The following GRIN1 variants were observed in gnomAD, a reference collection of about 807,000 sequenced individuals.
GRIN1 encodes the protein glutamate receptor ionotropic, NMDA 1.
In GRIN1, 38 loss-of-function variants were observed where a neutral mutation model predicts 103.0. The ratio of observed to expected loss-of-function variants is 0.37; its 90% CI spans 0.28 to 0.48. The LOEUF is 0.48. GRIN1 is among the 20% of genes least tolerant of loss of function. GRIN1 has a pLI of 0.98. For synonymous variants in GRIN1, 544 were observed against 532.7 expected, an observed-to-expected ratio of 1.02 and a Z score of -0.29; for missense variants, 577 against 1,288.9, an observed-to-expected ratio of 0.45 and a Z score of 8.46.
intron 14 of GRIN1, 33 bp from the exon 15 acceptor site, chr9:137,162,801 GGCCTGGGGAGCC>G (rs1833630826): frequency 6.2e-7 from 1 of 1,606,888 alleles, no homozygotes; most frequent in South Asian, 1.1e-5. Context: ...CTCGGTTAGG[GGCCTGGGGAGCC>G]GCCGCCGCGA....
In GRIN1 at chr9:137,139,641, G is replaced by C. The variant is rs1045827866; in HGVS notation, c.155G>C (p.Arg52Pro). Residue 52 changes from arginine (R) to proline (P), a missense_variant, in exon 1 of 20, where the codon CGG becomes CCG. Around this residue, in one of 9 missense-constraint regions of GRIN1, gnomAD observed 308 missense variants for 553.6 expected, o/e 0.56. Coordinates refer to ENST00000371561, the MANE Select transcript of GRIN1 (RefSeq NM_007327.4). The surrounding 1 kb of genome is among the most constrained non-coding windows in gnomAD (Gnocchi z 7.7). Reference sequence around the variant, plus strand: ...GAGGCCGTGAACCAGGCCAACAAGCGGCACGGCTCCTGGAAGATTCAGCTC... The same window carrying C: ...GAGGCCGTGAACCAGGCCAACAAGCCGCACGGCTCCTGGAAGATTCAGCTC... Reference protein sequence around the residue: ...FREAVNQANKRHGSWKIQLNA... With the variant: ...FREAVNQANKPHGSWKIQLNA... 6.2e-7 allele frequency: 1 copy of C among 1,613,868 alleles called. No homozygotes were observed. The highest frequency in any genetic ancestry group is 1.7e-5 in the Admixed American group (1 of 60,028).
chr9:137,140,072 G>A (rs1174376168), intron 1 of GRIN1, among the ~76,000 whole-genome samples: 3 of 152,136 alleles, frequency 2.0e-5, no homozygotes, highest in African/African-American at 7.2e-5. Context: ...GAGTAGAAGC[G>A]CCTGTCCAGC....
At chr9:137,141,248 C>T (rs767612674) in intron 1 of GRIN1, among the ~76,000 whole-genome samples, 2 of 152,208 alleles carry the variant, frequency 1.3e-5, no homozygotes, top group Non-Finnish European at 2.9e-5. Flanking sequence ...GGGACAGACG[C>T]AGGTCCTTGC....
chr9:137,141,463 T>G (rs1359758551), intron 1 of GRIN1, among the ~76,000 whole-genome samples: 1 of 152,216 alleles, frequency 6.6e-6, no homozygotes, highest in East Asian at 1.9e-4. Context: ...AAGTAAGGGC[T>G]TGGTGTTGTT....
chr9:137,144,144 G>A (rs1430129632), intron 2 of GRIN1, among the ~76,000 whole-genome samples: 2 of 152,178 alleles, frequency 1.3e-5, no homozygotes, highest in Admixed American at 1.3e-4. Context: ...CAAAGGTGGT[G>A]GGCTGCAGGG....
At chr9:137,160,652 G>A (rs1039124947) in intron 8 of GRIN1, among the ~76,000 whole-genome samples, 1 of 152,174 alleles carries the variant, frequency 6.6e-6, no homozygotes, top group Non-Finnish European at 1.5e-5. Context: ...GGATGGTCTC[G>A]ATCTCCTGAC....
intron 8 of GRIN1, among the ~76,000 whole-genome samples, chr9:137,159,550 G>T (rs971965705): frequency 2.0e-5 from 3 of 152,288 alleles, no homozygotes; most frequent in Admixed American, 2.0e-4. Context: ...GCCAGTGTGG[G>T]TTTCATTGCA....
chr9:137,144,395 C>T (rs894656833), intron 2 of GRIN1, among the ~76,000 whole-genome samples: 2 of 150,042 alleles, frequency 1.3e-5, no homozygotes, highest in South Asian at 2.1e-4. Flanking sequence ...TGGCTCACGC[C>T]TGTAATCCCA....
intron 2 of GRIN1, 44 bp downstream of exon 2, chr9:137,142,191 G>C: frequency 1.9e-6 from 3 of 1,609,948 alleles, no homozygotes; most frequent in Non-Finnish European, 2.5e-6. Context: ...CTCGGCCCCA[G>C]GGCACAGCCT....
At chr9:137,155,624 A>G (rs1245781398) in intron 4 of GRIN1, among the ~76,000 whole-genome samples, 2 of 152,164 alleles carry the variant, frequency 1.3e-5, no homozygotes, top group Non-Finnish European at 2.9e-5. Flanking sequence ...GTCCAGGCCC[A>G]CCTGGAGACA....
chr9:137,153,549 A>G (rs28770882), intron 4 of GRIN1, among the ~76,000 whole-genome samples: 40,790 of 151,972 alleles, frequency 0.27, 6,042 homozygotes, highest in Non-Finnish European at 0.33. Context: ...ACACACATGC[A>G]CCATGCATAC....
At chr9:137,144,201 C>T (rs1832329537) in intron 2 of GRIN1, among the ~76,000 whole-genome samples, 1 of 152,106 alleles carries the variant, frequency 6.6e-6, no homozygotes, top group South Asian at 2.1e-4. Context: ...AACCCACGTC[C>T]CTTAGGGTGC....
At chr9:137,141,273 G>A (rs538868448) in intron 1 of GRIN1, among the ~76,000 whole-genome samples, 79 of 152,320 alleles carry the variant, frequency 5.2e-4, no homozygotes, top group South Asian at 1.2e-3. Context: ...TGAAGGTGGT[G>A]TGGACCACCA....
rs1183105953 is a variant in GRIN1 at position 137,168,181 on chromosome 9, G to T, written c.*654G>T. On this transcript the variant is annotated 3_prime_UTR_variant, in exon 20 of 20. Transcript: ENST00000371561. ...CAGAGACGGCAGCCCCATCCTTCCCGCAGCACCAGCCTGAGCCACAGTGGG... is the reference window on the plus strand; with the variant it reads ...CAGAGACGGCAGCCCCATCCTTCCCTCAGCACCAGCCTGAGCCACAGTGGG... 1 of 422,972 alleles carries T rather than the reference G, an allele frequency of 2.4e-6. No homozygotes were observed. Among genetic ancestry groups the T allele is most frequent in the Non-Finnish European group, 4.3e-6 (1 of 231,570 alleles). The allele number at this position is 422,972 out of a possible 1,614,324, so 26.2% of individuals were successfully genotyped here. A position where few individuals can be genotyped will look rare whatever the true frequency, so the allele number is the denominator to read the frequency against.
Position 137,167,656 on chromosome 9 carries a change from C to A in GRIN1, c.*129C>A. On this transcript the variant is annotated 3_prime_UTR_variant, in exon 20 of 20. Transcript: ENST00000371561. ...GGGGAGGAGCACCCCCAGCCTCCCC[C>A]AGGCTGCGCCTGCCCGCCCGCCGGT... 6.6e-7 allele frequency: 1 copy of A among 1,515,134 alleles called. No individual in the cohort carries two copies. Among genetic ancestry groups the A allele is most frequent in the South Asian group, 1.3e-5 (1 of 77,498 alleles). 93.9% of individuals were successfully genotyped at this position (1,515,134 alleles called of 1,614,324 possible). A position where few individuals can be genotyped will look rare whatever the true frequency, so the allele number is the denominator to read the frequency against.
At chr9:137,160,810 C>T (rs1265535649) in intron 8 of GRIN1, among the ~76,000 whole-genome samples, 6 of 152,158 alleles carry the variant, frequency 3.9e-5, no homozygotes, top group African/African-American at 1.2e-4. Flanking sequence ...TCTGAGCCCC[C>T]AGCCCCCACC....
intron 16 of GRIN1, 22 bp downstream of exon 16, chr9:137,163,352 T>A: frequency 6.2e-7 from 1 of 1,612,292 alleles, no homozygotes; most frequent in Non-Finnish European, 8.5e-7. Flanking sequence ...TGCGCCCGCG[T>A]CCCTCCTCCG....
chr9:137,142,229 C>T (rs1056522179), intron 2 of GRIN1, 82 bp downstream of exon 2: 65 of 1,424,538 alleles, frequency 4.6e-5, no homozygotes, highest in African/African-American at 8.4e-5. Flanking sequence ...CGGGCCGACC[C>T]GCTCACATGG....
intron 2 of GRIN1, among the ~76,000 whole-genome samples, chr9:137,143,503 G>A (rs1832287525): frequency 6.6e-6 from 1 of 152,238 alleles, no homozygotes; most frequent in African/African-American, 2.4e-5. Context: ...CCTTACCCAG[G>A]AAAGCAGCCA....
Sources: allele counts gnomAD v4.1 joint callset (sites outside exome capture counted in the v4.1 genomes callset), GRCh38; gene constraint gnomAD v4.1.1; regional missense constraint gnomAD v4.1.1; non-coding constraint Gnocchi (gnomAD v3.1); transcripts MANE v1.5; gene names NCBI Gene and HGNC (gene_info 2026-07-23, HGNC 2026-07-21).